CDH5: variants seen among roughly 807,000 people sequenced by gnomAD.
CDH5 encodes the protein cadherin 5.
Under a neutral mutation model 62.0 loss-of-function variants are expected in CDH5, and 28 were observed. The observed-to-expected ratio is 0.45, with a 90% CI of 0.33 to 0.62. CDH5 has a LOEUF of 0.62. Ranked by LOEUF, CDH5 falls within the 20% of genes least tolerant of loss-of-function variation. CDH5 has a pLI of 0.02. For synonymous variants in CDH5, 464 were observed against 445.8 expected (o/e 1.04, Z -0.52); for missense variants, 940 against 1,065.1 (o/e 0.88, Z 1.63).
intron 8 of CDH5, 118 bp downstream of exon 8, chr16:66,396,319 C>A (rs764915778): frequency 1.7e-5 from 22 of 1,266,816 alleles, no homozygotes; most frequent in African/African-American, 3.0e-5. Flanking sequence ...TGCTGAAGCA[C>A]CCGCTGGTTG....
chr16:66,398,985 GA>G (rs1164558437), intron 10 of CDH5, among the ~76,000 whole-genome samples: 2 of 152,216 alleles, frequency 1.3e-5, no homozygotes, highest in Non-Finnish European at 2.9e-5. Flanking sequence ...GTACAGAACA[GA>G]TGTGAGGATG....
intron 1 of CDH5, among the ~76,000 whole-genome samples, chr16:66,367,766 C>T (rs773721886): frequency 1.3e-5 from 2 of 152,132 alleles, no homozygotes; most frequent in Admixed American, 1.3e-4. Flanking sequence ...ACCAGGATCT[C>T]GTACTCCAAA....
chr16:66,398,473 C>T lies in CDH5; in HGVS notation c.1503C>T (p.Ser501=), dbSNP rs185187305. Residue 501 remains serine, a synonymous_variant, in exon 10 of 12, where the codon TCC becomes TCT. Transcript: ENST00000341529. ...CACTCCAGCTGGTCCTGCAGATCTCCGCAATAGACAAGGACATAACACCAC... is the reference window on the plus strand; with the variant it reads ...CACTCCAGCTGGTCCTGCAGATCTCTGCAATAGACAAGGACATAACACCAC... ...AVHGQLVLQI[S]AIDKDITPRN... The T allele has an allele frequency of 1.1e-3, 1,726 of 1,605,938 alleles. 4 individuals carry two copies. The highest frequency in any genetic ancestry group is 3.1e-3 in the Admixed American group (188 of 60,014).
At chr16:66,376,562 C>A (rs1204677194) in intron 1 of CDH5, 2 of 152,126 alleles carry the variant, frequency 1.3e-5, no homozygotes, top group Non-Finnish European at 2.9e-5. Context: ...TTTAAGGAAA[C>A]CAACCACTGC....
rs555898643 is a variant in CDH5, at chr16:66,404,400, A to T, written c.*1231A>T. The stretch of plus-strand genomic sequence containing the variant: ...AGTCAACAGAGAGGGGCAGGGAAGG[A>T]GACACCAAGCTCACCCTTCGTCATG... On this transcript the variant is annotated 3_prime_UTR_variant, in exon 12 of 12. Coordinates refer to ENST00000341529, the MANE Select transcript of CDH5 (RefSeq NM_001795.5). 63 of 152,406 alleles carry T rather than the reference A, an allele frequency of 4.1e-4. No homozygotes were observed. The highest frequency in any genetic ancestry group is 4.6e-4 in the Non-Finnish European group (31 of 68,070). 9.4% of individuals were successfully genotyped at this position (152,406 alleles called of 1,614,324 possible).
In CDH5 at chr16:66,379,417, G is replaced by T; in HGVS notation, c.80G>T (p.Gly27Val). The change falls in exon 2 of 12, where the codon GGT (glycine) becomes GTT (valine). Residue 27 changes from glycine to valine, a missense_variant. Coordinates refer to ENST00000341529, the MANE Select transcript of CDH5 (RefSeq NM_001795.5). ...LLAVAAVAAA[G>V]ANPAQRDTHS... ...GCAGTGGCAGCAGTGGCAGCAGCAG[G>T]TGCTAACCCTGCCCAACGGGACACC... 1 of 1,614,158 alleles carries T rather than the reference G, an allele frequency of 6.2e-7. No individual in the cohort carries two copies. The highest frequency in any genetic ancestry group is 1.1e-5 in the South Asian group (1 of 91,084).
intron 1 of CDH5, among the ~76,000 whole-genome samples, chr16:66,378,817 AGGG>A (rs1422922451): frequency 4.6e-4 from 70 of 152,304 alleles, no homozygotes; most frequent in African/African-American, 1.6e-3. Flanking sequence ...CAAGGCATGA[AGGG>A]GGTCTGGTTC....
intron 2 of CDH5, 93 bp from the exon 3 acceptor site, chr16:66,386,716 C>A: frequency 8.6e-7 from 1 of 1,162,630 alleles, no homozygotes; most frequent in Non-Finnish European, 1.2e-6. Flanking sequence ...TACACACATG[C>A]ACAGGCACAC....
rs985945546 is a variant in CDH5 at position 66,386,342 on chromosome 16, T to C, written c.211-467T>C. 2.6e-5 allele frequency among the ~76,000 whole-genome samples: 4 copies of C among 152,220 alleles called. No individual in the cohort carries two copies. The South Asian group carries it at 8.3e-4, about 32-fold the overall frequency. ...TGTTTGTTACATGTATATTGCATAT[T>C]CGTGGGGATTGGGCTTCTAGCATAC... On this transcript the variant is annotated intron_variant, in intron 2 of 11. Transcript: ENST00000341529.
chr16:66,384,101 T>C (rs1960942253), intron 2 of CDH5, among the ~76,000 whole-genome samples: 1 of 146,338 alleles, frequency 6.8e-6, no homozygotes, highest in African/African-American at 2.5e-5. Context: ...TTTTTTTTTT[T>C]TGAGTCTGAG....
Position 66,391,941 on chromosome 16 carries a change from G to T in CDH5, c.970-195G>T, listed in dbSNP as rs149161599. 1.0e-3 allele frequency among the ~76,000 whole-genome samples: 156 copies of T among 152,294 alleles called. 1 individual carries two copies. In the East Asian group the frequency reaches 0.013, roughly 12 times the overall value. On this transcript the variant is annotated intron_variant, in intron 6 of 11. Coordinates refer to ENST00000341529, the MANE Select transcript of CDH5 (RefSeq NM_001795.5). ...CCATGAGGCTGCTGAGATGAAATGGGGAGCAGCTGAAGACAGACACCAGGC... is the reference window on the plus strand; with the variant it reads ...CCATGAGGCTGCTGAGATGAAATGGTGAGCAGCTGAAGACAGACACCAGGC...
At chr16:66,381,761 C>T (rs72786455) in intron 2 of CDH5, among the ~76,000 whole-genome samples, 17,439 of 152,140 alleles carry the variant, frequency 0.11, 1,115 homozygotes, top group Middle Eastern at 0.22. Context: ...AGCCCACTGC[C>T]TGGACTTGCA....
At position 66,397,968 on chromosome 16, in the gene CDH5, CT is replaced by C. The variant is rs775206534; in HGVS notation, c.1361-12del. 3.1e-6 allele frequency: 5 copies of C among 1,613,976 alleles called. No individual in the cohort carries two copies. Among genetic ancestry groups the C allele is most frequent in the Non-Finnish European group, 4.2e-6 (5 of 1,179,982 alleles). ...CAGCTGAGCCCATAATGGTGACAGTCTTCTCCCCTGCAGGAACCCCCACAGG... is the reference window on the plus strand; with the variant it reads ...CAGCTGAGCCCATAATGGTGACAGTCTCTCCCCTGCAGGAACCCCCACAGG... On this transcript the variant is annotated splice_polypyrimidine_tract_variant and intron_variant, in intron 8 of 11. Transcript: ENST00000341529.
rs922206260 is a variant in CDH5, at chr16:66,390,669, C to G, written c.969+79C>G. On this transcript the variant is annotated intron_variant, in intron 6 of 11. Transcript: ENST00000341529. ...CCACAGGTCCTGCTTGGGGATTGCT[C>G]CTGGGCCAGAGACCATCAAAGGACC... The G allele has an allele frequency of 4.4e-6, 6 of 1,362,460 alleles. No homozygotes were observed. In the Admixed American group the frequency reaches 9.1e-5, roughly 21 times the overall value. The allele number at this position is 1,362,460 out of a possible 1,614,324, so 84.4% of individuals were successfully genotyped here.
At chr16:66,382,724 G>C (rs1198480867) in intron 2 of CDH5, among the ~76,000 whole-genome samples, 4 of 152,112 alleles carry the variant, frequency 2.6e-5, no homozygotes, top group Non-Finnish European at 5.9e-5. Context: ...GAACCACAAG[G>C]GGTCGTCACG....
At chr16:66,393,435 G>A (rs1281045435) in intron 7 of CDH5, among the ~76,000 whole-genome samples, 1 of 152,208 alleles carries the variant, frequency 6.6e-6, no homozygotes, top group Non-Finnish European at 1.5e-5. Context: ...CAGTCCTGGG[G>A]AAGCAGGCAC....
At chr16:66,380,425 G>A (rs1596932073) in intron 2 of CDH5, among the ~76,000 whole-genome samples, 1 of 150,404 alleles carries the variant, frequency 6.6e-6, no homozygotes, top group Non-Finnish European at 1.5e-5. Flanking sequence ...AGGGTAGGTG[G>A]TCGTTGTGAT....
intron 7 of CDH5, among the ~76,000 whole-genome samples, chr16:66,393,402 C>T (rs915102465): frequency 6.6e-6 from 1 of 152,204 alleles, no homozygotes; most frequent in Non-Finnish European, 1.5e-5. Flanking sequence ...GCTTCTCCTT[C>T]TGGGGAGGCC....
chr16:66,381,885 G>C (rs1391194404), intron 2 of CDH5, among the ~76,000 whole-genome samples: 3 of 152,226 alleles, frequency 2.0e-5, no homozygotes, highest in African/African-American at 7.2e-5. Context: ...ATGACCATAA[G>C]GCTACAAATA....
Sources: gnomAD v4.1 joint callset for allele counts (sites outside exome capture counted in the v4.1 genomes callset) on GRCh38, gnomAD v4.1.1 for gene constraint, MANE v1.5 for transcripts, NCBI Gene and HGNC (gene_info 2026-07-23, HGNC 2026-07-21) for gene names.